The following CEP104 variants were observed in gnomAD, a reference collection of about 807,000 sequenced individuals.
The protein encoded by CEP104 is centrosomal protein 104, also known as centrosomal protein of 104 kDa.
CEP104 carries 84 observed loss-of-function variants against 113.3 expected under a neutral mutation model. The observed-to-expected ratio is 0.74, with a 90% CI of 0.62 to 0.89. The LOEUF (loss-of-function observed/expected upper bound fraction) is 0.89. Among genes scored for constraint, CEP104 ranks in the 40% least tolerant of loss-of-function variants. The probability of loss-of-function intolerance (pLI) is 0.00; values close to 1 mark genes in which losing one functional copy is unlikely to be tolerated. For synonymous variants in CEP104, 378 were observed against 421.7 expected (o/e 0.90, Z 1.27); for missense variants, 1,053 against 1,156.6 (o/e 0.91, Z 1.30).
intron 6 of CEP104, 38 bp downstream of exon 6, chr1:3,844,869 A>G (rs953469959): frequency 6.5e-7 from 1 of 1,540,596 alleles, no homozygotes; most frequent in Admixed American, 1.7e-5. Context: ...TTCTGAGGAA[A>G]GTAAAAGAAG....
intron 6 of CEP104, 91 bp downstream of exon 6, chr1:3,844,816 C>T: frequency 1.9e-6 from 2 of 1,044,402 alleles, no homozygotes; most frequent in East Asian, 2.4e-5. Flanking sequence ...AATTTAGAGG[C>T]TCTAAGTCCA....
In CEP104 at chr1:3,852,298, G is replaced by C. The variant is rs1644626260; in HGVS notation, c.110C>G (p.Pro37Arg). Residue 37 changes from proline (P) to arginine (R), a missense_variant, in exon 2 of 22, where the codon CCT becomes CGT. Pro to Arg is a moderately radical substitution (Grantham distance 103). Transcript: ENST00000378230. ...HAPTVSGWRS[P>R]RFCQFPQEIV... ...CCCCGCCCCGTCCAGTCCTCACCTA[G>C]GTGACCGCCACCCACTGACAGTTGG... is the stretch of plus-strand genomic sequence containing the variant. 5.6e-6 allele frequency: 9 copies of C among 1,613,324 alleles called. No homozygotes were observed. Among genetic ancestry groups the C allele is most frequent in the African/African-American group, 1.3e-5 (1 of 74,902 alleles).
At chr1:3,815,602 C>G in intron 21 of CEP104, 85 bp from the exon 22 acceptor site, 1 of 945,758 alleles carries the variant, frequency 1.1e-6, no homozygotes, top group Non-Finnish European at 1.6e-6. Flanking sequence ...AGACACCCAG[C>G]AACAACGTCC....
At chr1:3,833,800 C>A in intron 12 of CEP104, 62 bp downstream of exon 12, 1 of 1,504,060 alleles carries the variant, frequency 6.6e-7, no homozygotes, top group East Asian at 2.3e-5. Context: ...GTTAAGAAAG[C>A]CAGAGAGCTA....
chr1:3,844,912 G>C lies in CEP104; in HGVS notation c.561C>G (p.Tyr187Ter). ...ATGGGGAGCAGGACTCTTACCTGGC[G>C]TACGTTCCTTCTAGAGCAGGGTCCT... ...NSEDPALEGT[Y>*]ARKSDYISPL... Residue 187 changes from tyrosine to a stop codon, truncating the protein, a stop_gained, in exon 6 of 22, where the codon TAC (tyrosine) becomes TAG (stop). Transcript: ENST00000378230. LOFTEE classifies it high-confidence loss of function. The C allele has an allele frequency of 6.2e-7, 1 of 1,612,988 alleles. No individual in the cohort carries two copies. The highest frequency in any genetic ancestry group is 8.5e-7 in the Non-Finnish European group (1 of 1,178,968).
At chr1:3,845,063 T>C (rs1644483313) in intron 5 of CEP104, 80 bp from the exon 6 acceptor site, 3 of 1,251,136 alleles carry the variant, frequency 2.4e-6, no homozygotes, top group East Asian at 2.3e-5. Flanking sequence ...ATTTATTTCA[T>C]ATAAAGCTGT....
chr1:3,833,614 T>C (rs1644257161), intron 12 of CEP104: 1 of 366,932 alleles, frequency 2.7e-6, no homozygotes, highest in Non-Finnish European at 4.9e-6. Flanking sequence ...TGTTTTTATT[T>C]ATTTAAAAAA....
At position 3,857,165 on chromosome 1, in the gene CEP104, T is replaced by G. The variant is rs1307338342; in HGVS notation, c.-291A>C. ...AAGCAGACCCGGCCACCTCTGCCCA[T>G]AGCCCCGGCCGCAGCCTCCACTCTC... On this transcript the variant is annotated 5_prime_UTR_variant, in exon 1 of 22. An upstream start codon of the reference 5' UTR is lost. Coordinates refer to ENST00000378230, the MANE Select transcript of CEP104 (RefSeq NM_014704.4). The G allele has an allele frequency of 1.3e-5, 2 of 154,816 alleles. No individual in the cohort carries two copies. The highest frequency in any genetic ancestry group is 2.9e-5 in the Non-Finnish European group (2 of 69,980). 9.6% of individuals were successfully genotyped at this position (154,816 alleles called of 1,614,324 possible). A position where few individuals can be genotyped will look rare whatever the true frequency, so the allele number is the denominator to read the frequency against.
intron 20 of CEP104, among the ~76,000 whole-genome samples, chr1:3,817,488 A>C (rs1476537092): frequency 1.3e-5 from 2 of 152,116 alleles, no homozygotes; most frequent in African/African-American, 4.8e-5. Context: ...CACCTGCGGC[A>C]GCCCTCAAGA....
intron 20 of CEP104, among the ~76,000 whole-genome samples, chr1:3,821,790 G>A (rs998598001): frequency 2.6e-5 from 4 of 152,230 alleles, no homozygotes; most frequent in African/African-American, 9.6e-5. Context: ...AGATCCAGAC[G>A]ATGAGAAGCC....
chr1:3,826,805 T>G, intron 15 of CEP104, 61 bp from the exon 16 acceptor site: 3 of 1,490,056 alleles, frequency 2.0e-6, no homozygotes, highest in Non-Finnish European at 2.8e-6. Context: ...AGTGAGAGCC[T>G]GTTGAAGATA....
chr1:3,848,072 G>T (rs1018777589), intron 3 of CEP104, among the ~76,000 whole-genome samples: 6 of 152,088 alleles, frequency 3.9e-5, no homozygotes, highest in Admixed American at 1.3e-4. Context: ...GCATTCTTAA[G>T]AAAATTTCCA....
rs983596324 is a variant in CEP104 at position 3,831,054 on chromosome 1, C to G, written c.1828G>C (p.Val610Leu). The G allele has an allele frequency of 4.3e-6, 7 of 1,613,334 alleles. No homozygotes were observed. In the African/African-American group the frequency reaches 8.0e-5, roughly 18 times the overall value. Reference protein sequence around the residue: ...TGSSGFTIDNVMKFSVSALEH... With the variant: ...TGSSGFTIDNLMKFSVSALEH... ...ACGCGAGGTCTGCTTACCTTCATCA[C>G]GTTGTCAATGGTGAAGCCCGAGCTG... Residue 610 changes from valine (V) to leucine (L), a missense_variant, in exon 13 of 22, where the codon GTG becomes CTG. Val to Leu is a conservative substitution (Grantham distance 32, BLOSUM62 1). Transcript: ENST00000378230.
In CEP104 at chr1:3,857,017, C is replaced by G. The variant is rs1328543049; in HGVS notation, c.-143G>C. The G allele has an allele frequency of 6.6e-6, 1 of 151,978 alleles. No homozygotes were observed. Among genetic ancestry groups the G allele is most frequent in the Admixed American group, 6.5e-5 (1 of 15,268 alleles). 9.4% of individuals were successfully genotyped at this position (151,978 alleles called of 1,614,324 possible). ...TCAGCACCCGGACCCCAGGGGCGTG[C>G]GGGACCCGGCTCTCGTGGACTTCCT... On this transcript the variant is annotated 5_prime_UTR_variant, in exon 1 of 22. Coordinates refer to ENST00000378230, the MANE Select transcript of CEP104 (RefSeq NM_014704.4).
intron 12 of CEP104, among the ~76,000 whole-genome samples, chr1:3,832,346 G>T (rs1038522339): frequency 3.3e-5 from 5 of 152,050 alleles, no homozygotes; most frequent in African/African-American, 9.7e-5. Flanking sequence ...TCGTAACCAG[G>T]AGTGTAGTGT....
At chr1:3,853,640 G>C (rs114955688) in intron 1 of CEP104, among the ~76,000 whole-genome samples, 2,193 of 152,252 alleles carry the variant, frequency 0.014, 40 homozygotes, top group South Asian at 0.072. Context: ...TGGCATTATT[G>C]CTAATGTTTC....
rs1643837079 is a variant in CEP104 at position 3,814,093 on chromosome 1, G to C, written c.*1309C>G. 1 of 152,318 alleles carries C rather than the reference G, an allele frequency of 6.6e-6. No individual in the cohort carries two copies. Among genetic ancestry groups the C allele is most frequent in the South Asian group, 2.1e-4 (1 of 4,828 alleles). The allele number at this position is 152,318 out of a possible 1,614,324, so 9.4% of individuals were successfully genotyped here. A position where few individuals can be genotyped will look rare whatever the true frequency, so the allele number is the denominator to read the frequency against. On this transcript the variant is annotated 3_prime_UTR_variant, in exon 22 of 22. Transcript: ENST00000378230. ...ATTAAAACATATTTATACACTAATT[G>C]CATTAATGCAAACTCCATCAACCCA...
intron 1 of CEP104, 144 bp from the exon 2 acceptor site, chr1:3,852,565 ATT>A: frequency 5.6e-6 from 4 of 717,178 alleles, no homozygotes; most frequent in South Asian, 2.3e-5. Context: ...AAAAGAGTCT[ATT>A]TTTTTTTGTT....
Position 3,819,069 on chromosome 1 carries a change from C to T in CEP104, c.2572-2699G>A, listed in dbSNP as rs1348174331. Among the ~76,000 whole-genome samples, 5 of 152,222 alleles carry T rather than the reference C, an allele frequency of 3.3e-5. No homozygotes were observed. The highest frequency in any genetic ancestry group is 2.4e-5 in the African/African-American group (1 of 41,458). On this transcript the variant is annotated intron_variant, in intron 20 of 21. Coordinates refer to ENST00000378230, the MANE Select transcript of CEP104 (RefSeq NM_014704.4). The surrounding 1 kb of genome is among the most constrained non-coding windows in gnomAD (Gnocchi z 4.6). Reference sequence around the variant, plus strand: ...AAACTTCACTGTTTATCCCCCTTCACATTCAGAAAAATTCCAGATGTTAGA... The same window carrying T: ...AAACTTCACTGTTTATCCCCCTTCATATTCAGAAAAATTCCAGATGTTAGA...
Sources: allele counts gnomAD v4.1 joint callset (sites outside exome capture counted in the v4.1 genomes callset), GRCh38; gene constraint gnomAD v4.1.1; non-coding constraint Gnocchi (gnomAD v3.1); transcripts MANE v1.5; gene names NCBI Gene and HGNC (gene_info 2026-07-23, HGNC 2026-07-21).